PTPRK: variants seen among roughly 807,000 people sequenced by gnomAD.
PTPRK encodes the protein receptor-type tyrosine-protein phosphatase kappa.
A neutral mutation model predicts 178.0 loss-of-function variants in PTPRK; 75 were observed. The observed-to-expected ratio is 0.42, with a 90% CI of 0.35 to 0.51. The LOEUF (loss-of-function observed/expected upper bound fraction) is 0.51, where lower values mean the gene tolerates loss of function less well. PTPRK is among the 20% of genes least tolerant of loss of function. The pLI, the probability that PTPRK is intolerant of heterozygous loss-of-function variation, is 0.02. For synonymous variants in PTPRK, 637 were observed against 620.6 expected, an observed-to-expected ratio of 1.03 and a Z score of -0.39; for missense variants, 1,441 against 1,797.8, an observed-to-expected ratio of 0.80 and a Z score of 3.59.
intron 2 of PTPRK, among the ~76,000 whole-genome samples, chr6:128,343,982 C>T (rs1832047283): frequency 6.6e-6 from 1 of 152,182 alleles, no homozygotes. Flanking sequence ...TTTCGTAACA[C>T]TTCCCTCTTT....
intron 1 of PTPRK, among the ~76,000 whole-genome samples, chr6:128,412,077 A>G (rs1398352435): frequency 6.6e-6 from 1 of 152,230 alleles, no homozygotes; most frequent in African/African-American, 2.4e-5. Context: ...AAAAAATTCT[A>G]AAACAATATT....
At chr6:128,111,142 A>C (rs1263506598) in intron 7 of PTPRK, among the ~76,000 whole-genome samples, 1 of 152,220 alleles carries the variant, frequency 6.6e-6, no homozygotes, top group Non-Finnish European at 1.5e-5. Context: ...GCTATAACCA[A>C]ATATGAAAAC....
At chr6:128,080,664 T>C (rs1784656968) in intron 10 of PTPRK, among the ~76,000 whole-genome samples, 1 of 152,072 alleles carries the variant, frequency 6.6e-6, no homozygotes, top group South Asian at 2.1e-4. Context: ...CCAACAGTTA[T>C]GCCTGCAATA....
chr6:128,150,561 G>A (rs940460353), intron 7 of PTPRK, among the ~76,000 whole-genome samples: 6 of 152,038 alleles, frequency 3.9e-5, no homozygotes, highest in East Asian at 3.8e-4. Flanking sequence ...CAAATGTTAC[G>A]CCTTCTGTCA....
chr6:128,294,012 T>C (rs980459536), intron 3 of PTPRK, among the ~76,000 whole-genome samples: 8 of 152,130 alleles, frequency 5.3e-5, no homozygotes, highest in African/African-American at 1.9e-4. Context: ...TAGCTGTAGA[T>C]GATTCTTTTT....
intron 11 of PTPRK, among the ~76,000 whole-genome samples, chr6:128,075,077 C>T (rs917331331): frequency 9.9e-5 from 15 of 152,096 alleles, no homozygotes; most frequent in African/African-American, 3.6e-4. Context: ...CTTCTCTCAC[C>T]TAAAGTCTCC....
At chr6:128,516,037 A>T (rs1857958935) in intron 1 of PTPRK, among the ~76,000 whole-genome samples, 1 of 152,178 alleles carries the variant, frequency 6.6e-6, no homozygotes, top group African/African-American at 2.4e-5. Flanking sequence ...ATTTGGTGGG[A>T]ATGTTGGCAT....
At chr6:128,063,048 G>A (rs1006625052) in intron 13 of PTPRK, among the ~76,000 whole-genome samples, 1 of 151,986 alleles carries the variant, frequency 6.6e-6, no homozygotes, top group African/African-American at 2.4e-5. Flanking sequence ...TTTGGAATGA[G>A]GGTTTACATA....
intron 1 of PTPRK, among the ~76,000 whole-genome samples, chr6:128,433,582 T>A (rs1213799199): frequency 6.6e-6 from 1 of 152,040 alleles, no homozygotes; most frequent in East Asian, 1.9e-4. Context: ...AATCTCAGAT[T>A]TCAGCTCATT....
chr6:128,042,803 A>G (rs1456258298), intron 13 of PTPRK, among the ~76,000 whole-genome samples: 1 of 152,046 alleles, frequency 6.6e-6, no homozygotes, highest in Non-Finnish European at 1.5e-5. Context: ...TAACTTATCT[A>G]TTTGATAAAA....
intron 1 of PTPRK, among the ~76,000 whole-genome samples, chr6:128,513,426 T>C (rs1171312139): frequency 6.8e-6 from 1 of 147,406 alleles, no homozygotes; most frequent in East Asian, 2.0e-4. Context: ...GAAGTTTCAG[T>C]GAGCCGAGAT....
At chr6:128,349,477 AT>A (rs1203669959) in intron 2 of PTPRK, among the ~76,000 whole-genome samples, 2 of 152,102 alleles carry the variant, frequency 1.3e-5, no homozygotes, top group South Asian at 2.1e-4. Context: ...CCAAATATAA[AT>A]AATTGAACAA....
At chr6:128,004,198 C>A (rs1459126246) in intron 15 of PTPRK, among the ~76,000 whole-genome samples, 1 of 151,700 alleles carries the variant, frequency 6.6e-6, no homozygotes, top group East Asian at 1.9e-4. Context: ...TGCCATAAGG[C>A]CCAAGTTATA....
intron 29 of PTPRK, among the ~76,000 whole-genome samples, chr6:127,970,926 T>A (rs3933376): frequency 0.14 from 21,544 of 151,938 alleles, 1,699 homozygotes; most frequent in Middle Eastern, 0.2. Flanking sequence ...AAACTGCAAA[T>A]GTTTTTCTCC....
intron 1 of PTPRK, among the ~76,000 whole-genome samples, chr6:128,482,122 T>C (rs1562611003): frequency 6.6e-6 from 1 of 152,144 alleles, no homozygotes; most frequent in Non-Finnish European, 1.5e-5. Flanking sequence ...CCCTAGCAGT[T>C]CAAACAAGAA....
At position 127,998,788 on chromosome 6, in the gene PTPRK, C is replaced by T; in HGVS notation, c.2611G>A (p.Ala871Thr). ...AGATTAATGTGCTGCAGTAAATCAGCTACCCTGATGGCTGGATGCAGCTGT... is the reference window on the plus strand; with the variant it reads ...AGATTAATGTGCTGCAGTAAATCAGTTACCCTGATGGCTGGATGCAGCTGT... ...TGQLHPAIRV[A>T]DLLQHINLMK... Residue 871 changes from alanine to threonine, a missense_variant, in exon 16 of 30, where the codon GCT becomes ACT. Physicochemically the swap from Ala to Thr is moderately conservative, Grantham distance 58. Around this residue, in one of 4 missense-constraint regions of PTPRK, gnomAD observed 945 missense variants for 1,080.6 expected, o/e 0.87. Transcript: ENST00000368226. 1 of 1,610,618 alleles carries T rather than the reference C, an allele frequency of 6.2e-7. No individual in the cohort carries two copies. The highest frequency in any genetic ancestry group is 8.5e-7 in the Non-Finnish European group (1 of 1,177,850).
intron 4 of PTPRK, chr6:128,241,088 G>T (rs896051119): frequency 3.4e-5 from 13 of 381,006 alleles, no homozygotes; most frequent in Non-Finnish European, 5.4e-5. Flanking sequence ...TTAAACTACA[G>T]ATTGAAAGAA....
At chr6:128,397,775 T>C (rs1840510958) in intron 1 of PTPRK, 87 bp from the exon 2 acceptor site, 4 of 1,258,212 alleles carry the variant, frequency 3.2e-6, no homozygotes, top group East Asian at 2.4e-5. Flanking sequence ...TATATTGATA[T>C]ATATAATGTT....
chr6:128,094,117 G>A (rs933672217), intron 7 of PTPRK, among the ~76,000 whole-genome samples: 1 of 152,144 alleles, frequency 6.6e-6, no homozygotes, highest in African/African-American at 2.4e-5. Flanking sequence ...CTTGGTTGCT[G>A]TACAAGTATC....
Sources: allele counts gnomAD v4.1 joint callset (sites outside exome capture counted in the v4.1 genomes callset), GRCh38; gene constraint gnomAD v4.1.1; regional missense constraint gnomAD v4.1.1; transcripts MANE v1.5; gene names NCBI Gene and HGNC (gene_info 2026-07-23, HGNC 2026-07-21).